The following GABPB1 variants were observed in gnomAD, a reference collection of about 807,000 sequenced individuals.
GABPB1 encodes GA-binding protein subunit beta-1.
GABPB1 carries 15 observed loss-of-function variants against 45.9 expected under a neutral mutation model. The ratio of observed to expected loss-of-function variants is 0.33; its 90% CI spans 0.22 to 0.50. The LOEUF (loss-of-function observed/expected upper bound fraction) is 0.50. Ranked by LOEUF, GABPB1 falls within the 20% of genes least tolerant of loss-of-function variation. The pLI is 0.98. For missense variants in GABPB1, 252 were observed against 457.5 expected, an observed-to-expected ratio of 0.55 and a Z score of 4.10; for synonymous variants, 143 against 154.4, an observed-to-expected ratio of 0.93 and a Z score of 0.55.
At chr15:50,344,941 G>A (rs2048509974) in intron 1 of GABPB1, among the ~76,000 whole-genome samples, 2 of 152,182 alleles carry the variant, frequency 1.3e-5, no homozygotes, top group Non-Finnish European at 2.9e-5. Context: ...AAGCAGGTGA[G>A]AGGCTGAATA....
Position 50,325,812 on chromosome 15 carries a change from T to C in GABPB1, c.1-16014A>G, listed in dbSNP as rs1025208325. Among the ~76,000 whole-genome samples, 62 of 151,960 alleles carry C rather than the reference T, an allele frequency of 4.1e-4. 1 individual carries two copies. Among genetic ancestry groups the C allele is most frequent in the Admixed American group, 4.0e-3 (61 of 15,260 alleles). On this transcript the variant is annotated intron_variant, in intron 1 of 8. Transcript: ENST00000380877. The stretch of plus-strand genomic sequence containing the variant: ...TCCCAAAGTGCTGGGATTACAGGCG[T>C]GAGCCACTGCGCCCGGCCTGGTCAA...
intron 1 of GABPB1, among the ~76,000 whole-genome samples, chr15:50,320,799 CAG>C (rs375798755): frequency 1.6e-3 from 236 of 152,148 alleles, no homozygotes; most frequent in African/African-American, 5.1e-3. Flanking sequence ...AAGCAGAGAT[CAG>C]AGAGAGAATG....
intron 1 of GABPB1, among the ~76,000 whole-genome samples, chr15:50,333,531 C>T (rs1038790001): frequency 3.9e-5 from 6 of 152,148 alleles, no homozygotes; most frequent in African/African-American, 1.4e-4. Context: ...CCCAATTCCA[C>T]AGAAACTTCC....
chr15:50,353,471 G>A (rs945683397), intron 1 of GABPB1: 1 of 151,632 alleles, frequency 6.6e-6, no homozygotes, highest in Non-Finnish European at 1.5e-5. Context: ...GTCTGACGTA[G>A]ATCTGAGAAT....
intron 2 of GABPB1, among the ~76,000 whole-genome samples, chr15:50,306,825 C>A (rs2046966206): frequency 6.6e-6 from 1 of 151,932 alleles, no homozygotes; most frequent in South Asian, 2.1e-4. Context: ...ATGTATTTCT[C>A]TGTGACTTGC....
intron 1 of GABPB1, among the ~76,000 whole-genome samples, chr15:50,316,070 CA>C (rs145602741): frequency 0.076 from 11,605 of 152,110 alleles, 1,338 homozygotes; most frequent in African/African-American, 0.25. Flanking sequence ...CAAAAACAAA[CA>C]AAAATCCTCA....
Position 50,278,721 on chromosome 15 carries a change from G to A in GABPB1, c.1063C>T (p.Gln355Ter). ...GCTTCCTGTTCTTTCTTTAGGAGCT[G>A]CTGTCGATATTTTTGTGCTTCTCGA... ...ANREAQKYRQ[Q>*]LLKKEQEAEA... The change falls in exon 9 of 9, where the codon CAG becomes TAG. Residue 355 changes from glutamine to a stop codon, truncating the protein, a stop_gained. Transcript: ENST00000380877. LOFTEE classifies it high-confidence loss of function. 6.2e-7 allele frequency: 1 copy of A among 1,613,378 alleles called. No individual in the cohort carries two copies.
chr15:50,276,236 A>C lies in GABPB1; in HGVS notation c.*2396T>G, dbSNP rs183102405. 2.6e-5 allele frequency: 4 copies of C among 152,300 alleles called. No homozygotes were observed. The highest frequency in any genetic ancestry group is 5.9e-5 in the Non-Finnish European group (4 of 68,000). The allele number at this position is 152,300 out of a possible 1,614,324, so 9.4% of individuals were successfully genotyped here. A position where few individuals can be genotyped will look rare whatever the true frequency, so the allele number is the denominator to read the frequency against. Reference sequence around the variant, plus strand: ...GAAAACTTTTATTTCATATACTTTTATTTTTGTCAGTTCTTTAAATCCTCT... The same window carrying C: ...GAAAACTTTTATTTCATATACTTTTCTTTTTGTCAGTTCTTTAAATCCTCT... On this transcript the variant is annotated 3_prime_UTR_variant, in exon 9 of 9. Coordinates refer to ENST00000380877, the MANE Select transcript of GABPB1 (RefSeq NM_016654.5).
intron 7 of GABPB1, among the ~76,000 whole-genome samples, chr15:50,288,272 T>C (rs542773663): frequency 3.1e-4 from 47 of 152,276 alleles, no homozygotes; most frequent in African/African-American, 9.1e-4. Context: ...CTAAGACTGG[T>C]CTTGAACTCC....
At chr15:50,287,238 C>T (rs929474909) in intron 7 of GABPB1, among the ~76,000 whole-genome samples, 1 of 151,964 alleles carries the variant, frequency 6.6e-6, no homozygotes, top group African/African-American at 2.4e-5. Context: ...TTCAGTAGAA[C>T]TTTCTCATGG....
At chr15:50,301,552 C>T (rs1376627094) in intron 4 of GABPB1, among the ~76,000 whole-genome samples, 184 bp from the exon 5 acceptor site, 1 of 152,126 alleles carries the variant, frequency 6.6e-6, no homozygotes, top group African/African-American at 2.4e-5. Flanking sequence ...ATTTATATCC[C>T]AAGTCCCCCT....
intron 1 of GABPB1, among the ~76,000 whole-genome samples, chr15:50,331,362 T>TC (rs1253783518): frequency 1.3e-5 from 2 of 152,222 alleles, no homozygotes; most frequent in Admixed American, 1.3e-4. Flanking sequence ...GGTAGCAGCT[T>TC]CCTCCTGTGA....
intron 1 of GABPB1, among the ~76,000 whole-genome samples, chr15:50,317,404 C>CAA (rs1387965964): frequency 1.2e-4 from 8 of 65,162 alleles, no homozygotes; most frequent in African/African-American, 2.9e-4. Flanking sequence ...AACTCCGTCT[C>CAA]AAAAAAAAAA....
At position 50,282,634 on chromosome 15, in the gene GABPB1, T is replaced by TAA. The variant is rs568806575; in HGVS notation, c.999+3432_999+3433dup. 3.9e-5 allele frequency among the ~76,000 whole-genome samples: 5 copies of TAA among 128,610 alleles called. No individual in the cohort carries two copies. The East Asian group carries it at 1.0e-3, about 26-fold the overall frequency. 84.4% of individuals were successfully genotyped at this position (128,610 alleles called of 152,430 possible). A position where few individuals can be genotyped will look rare whatever the true frequency, so the allele number is the denominator to read the frequency against. On this transcript the variant is annotated intron_variant, in intron 8 of 8. Coordinates refer to ENST00000380877, the MANE Select transcript of GABPB1 (RefSeq NM_016654.5). ...TGTGGCAGATCAGGAAAGATAGCCA[T>TAA]AAAAAAAAAAGATTGAAAAGCTTTG...
chr15:50,277,489 T>G lies in GABPB1; in HGVS notation c.*1143A>C, dbSNP rs191185373. 44 of 151,226 alleles carry G rather than the reference T, an allele frequency of 2.9e-4. No individual in the cohort carries two copies. The highest frequency in any genetic ancestry group is 1.1e-3 in the African/African-American group (44 of 41,274). The allele number at this position is 151,226 out of a possible 1,614,324, so 9.4% of individuals were successfully genotyped here. A position where few individuals can be genotyped will look rare whatever the true frequency, so the allele number is the denominator to read the frequency against. The stretch of plus-strand genomic sequence containing the variant: ...GCCAGTGTTTAATGTCCATACATTG[T>G]GGAATTCAACAATATTGTGATGAGA... On this transcript the variant is annotated 3_prime_UTR_variant, in exon 9 of 9. Transcript: ENST00000380877.
At chr15:50,312,097 C>A (rs2047148867) in intron 1 of GABPB1, among the ~76,000 whole-genome samples, 1 of 152,072 alleles carries the variant, frequency 6.6e-6, no homozygotes, top group Admixed American at 6.6e-5. Context: ...GTAATCCCAC[C>A]ACTCTGGGAG....
chr15:50,324,571 G>A (rs1595806941), intron 1 of GABPB1, among the ~76,000 whole-genome samples: 2 of 136,712 alleles, frequency 1.5e-5, no homozygotes, highest in South Asian at 4.7e-4. Context: ...TTGAGACAGA[G>A]TCTCACTCTG....
chr15:50,287,899 G>A (rs116466438), intron 7 of GABPB1, among the ~76,000 whole-genome samples: 3,074 of 152,214 alleles, frequency 0.02, 105 homozygotes, highest in African/African-American at 0.071. Flanking sequence ...TACTGCTACA[G>A]CAACAAACTC....
chr15:50,286,100 T>C lies in GABPB1; in HGVS notation c.967A>G (p.Ile323Val). Residue 323 changes from isoleucine (I) to valine (V), a missense_variant, in exon 8 of 9, where the codon ATT (isoleucine) becomes GTT (valine). Coordinates refer to ENST00000380877, the MANE Select transcript of GABPB1 (RefSeq NM_016654.5). ...TCTGCAGATTCCACCCGGTTTTCAA[T>C]TATTTCGATACATTGTCTCTTAGCT... ...PPAKRQCIEI[I>V]ENRVESAEIE... 1.2e-6 allele frequency: 2 copies of C among 1,612,900 alleles called. No homozygotes were observed. The highest frequency in any genetic ancestry group is 1.7e-6 in the Non-Finnish European group (2 of 1,179,368).
Sources: allele counts gnomAD v4.1 joint callset (sites outside exome capture counted in the v4.1 genomes callset), GRCh38; gene constraint gnomAD v4.1.1; transcripts MANE v1.5; gene names NCBI Gene and HGNC (gene_info 2026-07-23, HGNC 2026-07-21).